HUNK: variants seen among roughly 807,000 people sequenced by gnomAD.
HUNK encodes the protein hormonally up-regulated neu tumor-associated kinase.
In HUNK, 21 loss-of-function variants were observed where a neutral mutation model predicts 61.0. The ratio of observed to expected loss-of-function variants is 0.34; its 90% CI spans 0.24 to 0.50. The LOEUF is 0.50. Ranked by LOEUF, HUNK falls within the 20% of genes least tolerant of loss-of-function variation. The probability of loss-of-function intolerance (pLI) is 0.98; values close to 1 mark genes in which losing one functional copy is unlikely to be tolerated. For missense variants in HUNK, 772 were observed against 945.7 expected, an observed-to-expected ratio of 0.82 and a Z score of 2.41; for synonymous variants, 371 against 386.1, an observed-to-expected ratio of 0.96 and a Z score of 0.46.
chr21:31,943,608 A>G (rs2052783124), intron 3 of HUNK, among the ~76,000 whole-genome samples: 1 of 152,230 alleles, frequency 6.6e-6, no homozygotes, highest in South Asian at 2.1e-4. Context: ...GTTGCTTAAC[A>G]TGCAGATTCT....
chr21:31,970,258 T>G (rs1189073802), intron 6 of HUNK, among the ~76,000 whole-genome samples: 1 of 152,092 alleles, frequency 6.6e-6, no homozygotes, highest in Non-Finnish European at 1.5e-5. Flanking sequence ...TAGAAAAACT[T>G]TAAAGGGGCG....
At position 31,926,159 on chromosome 21, in the gene HUNK, C is replaced by G. The variant is rs2052658272; in HGVS notation, c.554+1399C>G. 3.3e-5 allele frequency among the ~76,000 whole-genome samples: 5 copies of G among 152,200 alleles called. No individual in the cohort carries two copies. In the South Asian group the frequency reaches 1.0e-3, roughly 32 times the overall value. On this transcript the variant is annotated intron_variant, in intron 2 of 10. Coordinates refer to ENST00000270112, the MANE Select transcript of HUNK (RefSeq NM_014586.2). ...TCTTGAACTCCTGACCTCAGGTGAT[C>G]CGCCCTCCTCGGCCTCCCGAAGTGC...
Position 31,998,869 on chromosome 21 carries a change from T to C in HUNK, c.1830T>C (p.Pro610=). 1 of 1,614,136 alleles carries C rather than the reference T, an allele frequency of 6.2e-7. No homozygotes were observed. The highest frequency in any genetic ancestry group is 1.1e-5 in the South Asian group (1 of 91,072). Residue 610 remains proline (P), a synonymous_variant, in exon 11 of 11, where the codon CCT becomes CCC. Transcript: ENST00000270112. ...GTCTGCCATCCGGAAGCATGTCGCC[T>C]CTCCATACTCCTTTGCATCCAACTC... The part of the protein sequence containing the change: ...SPGLPSGSMS[P]LHTPLHPTLV...
chr21:31,974,834 A>AC, intron 7 of HUNK, 117 bp downstream of exon 7: 1 of 1,007,256 alleles, frequency 9.9e-7, no homozygotes, highest in Non-Finnish European at 1.4e-6. Flanking sequence ...ATCTAATGTG[A>AC]GGCTGAGTTT....
Position 31,958,853 on chromosome 21 carries a change from A to T in HUNK, c.757A>T (p.Met253Leu), listed in dbSNP as rs987113909. The change falls in exon 5 of 11, where the codon ATG becomes TTG. Residue 253 changes from methionine to leucine, a missense_variant. By Grantham distance (15) the Met-to-Leu change is conservative. Around this residue, in one of 2 missense-constraint regions of HUNK, gnomAD observed 359 missense variants for 501.3 expected, o/e 0.72. Transcript: ENST00000270112. ...KIDVWSIGVNMYAMLTGTLPF... is the reference protein window; with the variant it reads ...KIDVWSIGVNLYAMLTGTLPF... ...TGTCTCTCTTTTCAGAGGTGTGAAC[A>T]TGTATGCCATGTTGACCGGGACGCT... 7 of 1,599,944 alleles carry T rather than the reference A, an allele frequency of 4.4e-6. No individual in the cohort carries two copies. In the East Asian group the frequency reaches 1.6e-4, roughly 36 times the overall value.
intron 5 of HUNK, among the ~76,000 whole-genome samples, chr21:31,965,471 T>A (rs1247768521): frequency 2.0e-5 from 3 of 151,756 alleles, no homozygotes; most frequent in Admixed American, 6.6e-5. Flanking sequence ...TAAAAAAAAA[T>A]TTTTTTTAAA....
At chr21:31,907,105 A>G (rs2052511283) in intron 1 of HUNK, among the ~76,000 whole-genome samples, 1 of 152,124 alleles carries the variant, frequency 6.6e-6, no homozygotes, top group Admixed American at 6.5e-5. Context: ...CTTGGGAGGC[A>G]GAGGTTGAAG....
intron 1 of HUNK, among the ~76,000 whole-genome samples, chr21:31,898,770 C>T (rs1027549137): frequency 6.6e-6 from 1 of 152,102 alleles, no homozygotes; most frequent in South Asian, 2.1e-4. Context: ...TGATTAATGT[C>T]AGGCCAGCTC....
Position 31,945,991 on chromosome 21 carries a change from G to A in HUNK, c.611-45G>A, listed in dbSNP as rs747970408. On this transcript the variant is annotated intron_variant, in intron 3 of 10. Coordinates refer to ENST00000270112, the MANE Select transcript of HUNK (RefSeq NM_014586.2). ...CTTTTGTTCCTCCCTCTTCATTTCC[G>A]CAGTTTTCTAATTCGGAGCTTGTTT... 8 of 1,537,038 alleles carry A rather than the reference G, an allele frequency of 5.2e-6. No homozygotes were observed. The Admixed American group carries it at 5.6e-5, about 11-fold the overall frequency.
At chr21:31,904,024 C>G (rs1159638336) in intron 1 of HUNK, among the ~76,000 whole-genome samples, 1 of 152,050 alleles carries the variant, frequency 6.6e-6, no homozygotes, top group South Asian at 2.1e-4. Context: ...GTGAATTTCT[C>G]ATCCAGTAGT....
chr21:31,881,283 C>G (rs1034504882), intron 1 of HUNK, among the ~76,000 whole-genome samples: 8 of 152,268 alleles, frequency 5.3e-5, no homozygotes, highest in African/African-American at 1.9e-4. Flanking sequence ...TATGAGTGGT[C>G]ATCATTTCCA....
intron 1 of HUNK, among the ~76,000 whole-genome samples, chr21:31,915,737 A>G (rs557000026): frequency 1.3e-5 from 2 of 152,330 alleles, no homozygotes; most frequent in East Asian, 1.9e-4. Flanking sequence ...TCCTATGTAG[A>G]CAGTCTCAGC....
intron 7 of HUNK, among the ~76,000 whole-genome samples, chr21:31,979,774 C>G (rs2123239165): frequency 6.6e-6 from 1 of 152,184 alleles, no homozygotes; most frequent in Middle Eastern, 3.4e-3. Flanking sequence ...CTTGGCCTCC[C>G]AAAGTGCTGG....
intron 4 of HUNK, among the ~76,000 whole-genome samples, chr21:31,947,851 G>C (rs1033909539): frequency 6.6e-6 from 1 of 152,228 alleles, no homozygotes; most frequent in Admixed American, 6.5e-5. Flanking sequence ...TTAAGATATA[G>C]ACGAGAAAGA....
chr21:31,959,462 T>C (rs1216806295), intron 5 of HUNK, among the ~76,000 whole-genome samples: 2 of 152,212 alleles, frequency 1.3e-5, no homozygotes, highest in African/African-American at 4.8e-5. Flanking sequence ...TTTAAATATA[T>C]AGAGGTTAAG....
intron 3 of HUNK, among the ~76,000 whole-genome samples, chr21:31,941,384 G>A (rs2123828161): frequency 6.6e-6 from 1 of 151,358 alleles, no homozygotes; most frequent in Middle Eastern, 3.4e-3. Context: ...TTGGCTCACT[G>A]CAGCCTCTGC....
intron 1 of HUNK, among the ~76,000 whole-genome samples, chr21:31,889,946 A>G (rs956298089): frequency 2.0e-5 from 3 of 152,188 alleles, no homozygotes; most frequent in African/African-American, 7.2e-5. Context: ...TAAAAAGTCT[A>G]ATATAAATCA....
At chr21:31,955,420 C>A (rs2052882415) in intron 4 of HUNK, among the ~76,000 whole-genome samples, 1 of 140,352 alleles carries the variant, frequency 7.1e-6, no homozygotes. Context: ...GAAACCCCGT[C>A]TCTACGAAAA....
chr21:31,995,731 A>C (rs771455236), intron 9 of HUNK, 37 bp from the exon 10 acceptor site: 4 of 1,536,612 alleles, frequency 2.6e-6, no homozygotes, highest in Non-Finnish European at 3.6e-6. Context: ...GTCTTCTAGT[A>C]TGTGTCTAAG....
Sources: allele counts gnomAD v4.1 joint callset (sites outside exome capture counted in the v4.1 genomes callset), GRCh38; gene constraint gnomAD v4.1.1; regional missense constraint gnomAD v4.1.1; transcripts MANE v1.5; gene names NCBI Gene and HGNC (gene_info 2026-07-23, HGNC 2026-07-21).